Variants in AQR observed in about 807,000 individuals in gnomAD.
The protein encoded by AQR is aquarius intron-binding spliceosomal factor.
Under a neutral mutation model 180.5 loss-of-function variants are expected in AQR, and 61 were observed. The ratio of observed to expected loss-of-function variants is 0.34; its 90% confidence interval spans 0.28 to 0.42. AQR has a LOEUF of 0.42. Ranked by LOEUF, AQR falls within the 10% of genes least tolerant of loss-of-function variation. AQR has a pLI of 1.00. For missense variants in AQR, 1,281 were observed against 1,798.3 expected (o/e 0.71, Z 5.20); for synonymous variants, 551 against 588.8 (o/e 0.94, Z 0.93).
intron 22 of AQR, among the ~76,000 whole-genome samples, chr15:34,895,794 CAACA>C (rs962782864): frequency 5.9e-5 from 9 of 151,764 alleles, no homozygotes; most frequent in Non-Finnish European, 1.0e-4. Flanking sequence ...ATCAACAAAA[CAACA>C]GACAGAAAAT....
chr15:34,867,540 C>T lies in AQR; in HGVS notation c.3838G>A (p.Ala1280Thr). 1 of 1,612,796 alleles carries T rather than the reference C, an allele frequency of 6.2e-7. No homozygotes were observed. Among genetic ancestry groups the T allele is most frequent in the Non-Finnish European group, 8.5e-7 (1 of 1,179,266 alleles). ...YILLSLVRTR[A>T]VGHLRDVRRL... The stretch of plus-strand genomic sequence containing the variant: ...CCTACGTACCTCAGATGGCCCACTG[C>T]CCTGGTTCGTACCAGAGAAAGAAGA... Residue 1280 changes from alanine to threonine, a missense_variant, in exon 32 of 35, where the codon GCA becomes ACA. Transcript: ENST00000156471.
chr15:34,950,303 T>A (rs1294297244), intron 4 of AQR, among the ~76,000 whole-genome samples: 1 of 152,024 alleles, frequency 6.6e-6, no homozygotes, highest in Non-Finnish European at 1.5e-5. Context: ...TTGGCCAGTA[T>A]GGTCTCGATC....
chr15:34,878,989 C>T (rs1252115036), intron 27 of AQR, among the ~76,000 whole-genome samples: 3 of 151,416 alleles, frequency 2.0e-5, no homozygotes, highest in Admixed American at 2.0e-4. Flanking sequence ...GATTGCGCCA[C>T]TGCACTCTAG....
intron 15 of AQR, 147 bp downstream of exon 15, chr15:34,918,111 T>G (rs1204500959): frequency 2.6e-6 from 2 of 767,656 alleles, no homozygotes; most frequent in Non-Finnish European, 3.9e-6. Context: ...CTAAATCTTT[T>G]CTAGCTTCTA....
At chr15:34,925,315 T>C (rs903001195) in intron 13 of AQR, among the ~76,000 whole-genome samples, 10 of 152,048 alleles carry the variant, frequency 6.6e-5, no homozygotes, top group Non-Finnish European at 1.0e-4. Flanking sequence ...GAGATAAAAA[T>C]AGAAAAAATT....
chr15:34,886,272 TAGAA>T (rs1333163089), intron 25 of AQR, among the ~76,000 whole-genome samples: 29 of 152,074 alleles, frequency 1.9e-4, no homozygotes, highest in African/African-American at 6.5e-4. Context: ...ACTTTGCCAA[TAGAA>T]AGAAAAAAAT....
chr15:34,967,682 G>C (rs2050317220), intron 1 of AQR, among the ~76,000 whole-genome samples: 1 of 152,178 alleles, frequency 6.6e-6, no homozygotes, highest in African/African-American at 2.4e-5. Flanking sequence ...GTTCTGTACA[G>C]CTAAGGCACA....
chr15:34,926,153 C>T (rs1893760897), intron 13 of AQR, among the ~76,000 whole-genome samples: 1 of 151,052 alleles, frequency 6.6e-6, no homozygotes, highest in Non-Finnish European at 1.5e-5. Context: ...GAGACTCCGT[C>T]TCAAAAAAAT....
intron 12 of AQR, among the ~76,000 whole-genome samples, chr15:34,929,836 G>A (rs757837317): frequency 1.3e-5 from 2 of 152,308 alleles, no homozygotes; most frequent in Non-Finnish European, 2.9e-5. Context: ...GATAAGATCA[G>A]CAAAAGAAAA....
At chr15:34,901,933 A>G (rs1392218361) in intron 19 of AQR, among the ~76,000 whole-genome samples, 1 of 152,246 alleles carries the variant, frequency 6.6e-6, no homozygotes, top group African/African-American at 2.4e-5. Context: ...CTGCCCTCTA[A>G]GGAAATTACA....
chr15:34,945,572 C>T (rs1894098587), intron 5 of AQR, among the ~76,000 whole-genome samples: 1 of 152,146 alleles, frequency 6.6e-6, no homozygotes, highest in African/African-American at 2.4e-5. Context: ...TTCCTTCTTC[C>T]TTTCTGTATT....
chr15:34,896,543 TA>T (rs34623885), intron 22 of AQR, among the ~76,000 whole-genome samples: 7,676 of 135,464 alleles, frequency 0.057, 475 homozygotes, highest in African/African-American at 0.16. Context: ...TAATCTATGT[TA>T]AAAAAAAAAA....
In AQR at chr15:34,969,675, T is replaced by C; in HGVS notation, c.-62A>G. 1.3e-6 allele frequency: 2 copies of C among 1,546,678 alleles called. No individual in the cohort carries two copies. Among genetic ancestry groups the C allele is most frequent in the Non-Finnish European group, 1.8e-6 (2 of 1,141,318 alleles). ...GGACCGCTCTGGGCAGCGGCAACCCTGGTCCACTTCCCTTAAGTTACTGCC... is the reference window on the plus strand; with the variant it reads ...GGACCGCTCTGGGCAGCGGCAACCCCGGTCCACTTCCCTTAAGTTACTGCC... On this transcript the variant is annotated 5_prime_UTR_variant, in exon 1 of 35. Transcript: ENST00000156471.
At chr15:34,917,436 G>A (rs1337810101) in intron 15 of AQR, among the ~76,000 whole-genome samples, 1 of 152,098 alleles carries the variant, frequency 6.6e-6, no homozygotes, top group African/African-American at 2.4e-5. Context: ...CATCCTCAGA[G>A]GATGCGTGAA....
At chr15:34,916,315 T>C (rs767332141) in intron 15 of AQR, among the ~76,000 whole-genome samples, 3 of 152,174 alleles carry the variant, frequency 2.0e-5, no homozygotes, top group Non-Finnish European at 4.4e-5. Flanking sequence ...CTTTTCATTA[T>C]TCTCACTTAA....
At chr15:34,897,898 TA>T (rs1480712573) in intron 20 of AQR, among the ~76,000 whole-genome samples, 193 bp from the exon 21 acceptor site, 2 of 152,204 alleles carry the variant, frequency 1.3e-5, no homozygotes, top group East Asian at 3.8e-4. Context: ...TTTTCAAATT[TA>T]AAAAAGTCAC....
intron 9 of AQR, among the ~76,000 whole-genome samples, chr15:34,935,251 A>C (rs1318452964): frequency 1.3e-5 from 2 of 152,184 alleles, no homozygotes. Flanking sequence ...CTATTTTTAC[A>C]AACATTTATT....
intron 3 of AQR, among the ~76,000 whole-genome samples, chr15:34,957,422 G>A (rs1409890010): frequency 1.3e-5 from 2 of 152,036 alleles, no homozygotes; most frequent in African/African-American, 4.8e-5. Flanking sequence ...AATAAAAAAT[G>A]TAGGCCAGGC....
chr15:34,856,489 T>C lies in AQR; in HGVS notation c.*303A>G. Reference sequence around the variant, plus strand: ...CTTCTTTAGAGAAGTTCACTAAAAATGTGAAGTATATATTATATATTCATA... The same window carrying C: ...CTTCTTTAGAGAAGTTCACTAAAAACGTGAAGTATATATTATATATTCATA... On this transcript the variant is annotated 3_prime_UTR_variant, in exon 35 of 35. Transcript: ENST00000156471. 1 of 402,672 alleles carries C rather than the reference T, an allele frequency of 2.5e-6. No homozygotes were observed. The highest frequency in any genetic ancestry group is 4.4e-6 in the Non-Finnish European group (1 of 228,334). The allele number at this position is 402,672 out of a possible 1,614,324, so 24.9% of individuals were successfully genotyped here.
Sources: allele counts gnomAD v4.1 joint callset (sites outside exome capture counted in the v4.1 genomes callset), GRCh38; gene constraint gnomAD v4.1.1; transcripts MANE v1.5; gene names NCBI Gene and HGNC (gene_info 2026-07-23, HGNC 2026-07-21).